IL18BP: variants seen among roughly 807,000 people sequenced by gnomAD.
IL18BP encodes interleukin-18-binding protein.
A neutral mutation model predicts 19.9 loss-of-function variants in IL18BP; 23 were observed. That is an observed-to-expected ratio of 1.15 (90% CI 0.83 to 1.64). The LOEUF (loss-of-function observed/expected upper bound fraction) is 1.64, where lower values mean the gene tolerates loss of function less well. Among genes scored for constraint, IL18BP ranks in the 40% most tolerant of loss-of-function variants. The pLI, the probability that IL18BP is intolerant of heterozygous loss-of-function variation, is 0.00. For synonymous variants in IL18BP, 107 were observed against 101.0 expected (o/e 1.06, Z -0.35); for missense variants, 239 against 240.7 (o/e 0.99, Z 0.05).
chr11:72,007,985 C>T (rs889170868), downstream of IL18BP: 3 of 399,630 alleles, frequency 7.5e-6, no homozygotes, highest in Non-Finnish European at 1.5e-5. Context: ...GAACTCAGGC[C>T]AGGCTGCCCA....
At position 72,000,457 on chromosome 11, in the gene IL18BP, A is replaced by G; in HGVS notation, c.135A>G (p.Arg45=). The change falls in exon 3 of 6, where the codon AGA becomes AGG. Residue 45 remains arginine (R), a synonymous_variant. Coordinates refer to ENST00000393703, the MANE Select transcript of IL18BP (RefSeq NM_001039660.2). The stretch of plus-strand genomic sequence containing the variant: ...CCACAGCTGCCACTGCCTCAGTTAG[A>G]AGCACAAAGGACCCCTGCCCCTCCC... The part of the protein sequence containing the change: ...QTTTAATASV[R]STKDPCPSQP... The G allele has an allele frequency of 6.2e-7, 1 of 1,614,062 alleles. No individual in the cohort carries two copies. The highest frequency in any genetic ancestry group is 2.2e-5 in the East Asian group (1 of 44,870).
chr11:72,001,802 T>G lies in IL18BP; in HGVS notation c.526T>G (p.Leu176Val). The G allele has an allele frequency of 6.2e-7, 1 of 1,614,118 alleles. No homozygotes were observed. The highest frequency in any genetic ancestry group is 8.5e-7 in the Non-Finnish European group (1 of 1,179,970). ...TCCCTAGGCTGGGCTGAGGGCAACCTTGCCCCCCACCCAAGAAGCCCTGCC... is the reference window on the plus strand; with the variant it reads ...TCCCTAGGCTGGGCTGAGGGCAACCGTGCCCCCCACCCAAGAAGCCCTGCC... ...AQLWAGLRAT[L>V]PPTQEALPSS... The change falls in exon 6 of 6, where the codon TTG (leucine) becomes GTG (valine). Residue 176 changes from leucine (L) to valine (V), a missense_variant. Physicochemically the swap from Leu to Val is conservative, Grantham distance 32 (BLOSUM62 1). Transcript: ENST00000393703.
downstream of IL18BP, chr11:72,003,576 G>C (rs967062903): frequency 1.2e-5 from 19 of 1,613,762 alleles, no homozygotes; most frequent in Non-Finnish European, 1.6e-5. Flanking sequence ...ATGAGAACTT[G>C]CGATACTAGC....
chr11:72,005,248 A>T, downstream of IL18BP: 1 of 1,601,698 alleles, frequency 6.2e-7, no homozygotes. Flanking sequence ...ACTCCAGGGG[A>T]TAGCAGGTCT....
downstream of IL18BP, chr11:72,003,560 G>A: frequency 1.9e-6 from 3 of 1,614,096 alleles, no homozygotes; most frequent in Non-Finnish European, 1.7e-6. Flanking sequence ...ACAGTCACAT[G>A]GCCAGATGAG....
chr11:72,001,553 G>A lies in IL18BP; in HGVS notation c.507+1G>A, dbSNP rs766510846. On this transcript the variant is annotated splice_donor_variant, in intron 5 of 5. Transcript: ENST00000393703. LOFTEE classifies it high-confidence loss of function. Reference sequence around the variant, plus strand: ...TCACGTCGTCCTGGCCCAGCTCTGGGTGAGGAGCCCAAGGAGAGGCCTCCA... The same window carrying A: ...TCACGTCGTCCTGGCCCAGCTCTGGATGAGGAGCCCAAGGAGAGGCCTCCA... The A allele has an allele frequency of 1.7e-5, 27 of 1,611,304 alleles. No individual in the cohort carries two copies. In the South Asian group the frequency reaches 3.0e-4, roughly 18 times the overall value.
rs770277317 is a variant in IL18BP at position 72,001,292 on chromosome 11, C to T, written c.327C>T (p.His109=). The T allele has an allele frequency of 2.5e-6, 4 of 1,614,098 alleles. No homozygotes were observed. Among genetic ancestry groups the T allele is most frequent in the Non-Finnish European group, 3.4e-6 (4 of 1,180,050 alleles). Reference sequence around the variant, plus strand: ...TGGGCAATGGTTCCTTCATTGAGCACCTCCCAGGCCGACTGTGGGAGGGGA... The same window carrying T: ...TGGGCAATGGTTCCTTCATTGAGCATCTCCCAGGCCGACTGTGGGAGGGGA... ...YWLGNGSFIE[H]LPGRLWEGST... Residue 109 remains histidine, a synonymous_variant, in exon 4 of 6, where the codon CAC becomes CAT. Transcript: ENST00000393703.
At chr11:71,999,061 T>A (rs1308905457) in intron 1 of IL18BP, 42 bp downstream of exon 1, 1 of 464,348 alleles carries the variant, frequency 2.2e-6, no homozygotes, top group Admixed American at 2.3e-5. Context: ...CCTGTGGCTC[T>A]GGCCAGAGGG....
At chr11:72,004,481 T>TC, downstream of IL18BP, 1 of 1,207,062 alleles carries the variant, frequency 8.3e-7, no homozygotes, top group Non-Finnish European at 1.2e-6. Context: ...GCCAGATCCT[T>TC]CCCTTCCCAA....
At chr11:72,003,830 T>G (rs2134316826), downstream of IL18BP, 3 of 1,571,674 alleles carry the variant, frequency 1.9e-6, no homozygotes, top group South Asian at 1.1e-5. Context: ...TGGGGCGGTC[T>G]GGGGGGTGCC....
downstream of IL18BP, among the ~76,000 whole-genome samples, chr11:72,006,532 G>A (rs116173587): frequency 0.01 from 1,588 of 152,150 alleles, 22 homozygotes; most frequent in African/African-American, 0.036. Context: ...AGTGTTTATC[G>A]GCCCATTTTG....
chr11:72,004,096 C>G, downstream of IL18BP: 1 of 1,613,192 alleles, frequency 6.2e-7, no homozygotes. Context: ...TGGCGCCGGT[C>G]AGCCTGCAAG....
downstream of IL18BP, chr11:72,006,281 T>C (rs781152207): frequency 1.2e-6 from 2 of 1,609,118 alleles, no homozygotes; most frequent in South Asian, 2.2e-5. Flanking sequence ...ACAGAGTGAA[T>C]CTGTTGCAGT....
chr11:72,005,187 G>A (rs753999872), downstream of IL18BP: 1 of 1,524,518 alleles, frequency 6.6e-7, no homozygotes, highest in Admixed American at 2.3e-5. Flanking sequence ...GGGATTCCAA[G>A]GGAGGGCAGG....
At chr11:72,007,577 C>G, downstream of IL18BP, 1 of 1,062,164 alleles carries the variant, frequency 9.4e-7, no homozygotes, top group Non-Finnish European at 1.4e-6. Context: ...TCAGAGGTAC[C>G]AAGGAAAGCA....
chr11:72,006,328 C>A, downstream of IL18BP: 1 of 1,392,288 alleles, frequency 7.2e-7, no homozygotes, highest in South Asian at 1.3e-5. Context: ...CTTCCCATTC[C>A]CTTCCGAAGC....
chr11:72,005,459 T>A, downstream of IL18BP: 1 of 1,291,968 alleles, frequency 7.7e-7, no homozygotes, highest in Non-Finnish European at 1.1e-6. Context: ...TGCTGCCACC[T>A]ACCCCATAAA....
At chr11:71,999,450 C>T in intron 1 of IL18BP, 1 of 234,608 alleles carries the variant, frequency 4.3e-6, no homozygotes. Flanking sequence ...GTCTGGTATC[C>T]TCTGGAGAGT....
At chr11:72,007,046 C>T, downstream of IL18BP, 1 of 997,922 alleles carries the variant, frequency 1.0e-6, no homozygotes, top group South Asian at 1.6e-5. Flanking sequence ...AGTCACTGCC[C>T]TTTTTAAGAC....
Sources: gnomAD v4.1 joint callset for allele counts (sites outside exome capture counted in the v4.1 genomes callset) on GRCh38, gnomAD v4.1.1 for gene constraint, MANE v1.5 for transcripts, NCBI Gene and HGNC (gene_info 2026-07-23, HGNC 2026-07-21) for gene names.